COL4A1: variants seen among roughly 807,000 people sequenced by gnomAD.
COL4A1 encodes the protein collagen type IV alpha 1 chain, also known as collagen alpha-1(IV) chain.
In COL4A1, 40 loss-of-function variants were observed where a neutral mutation model predicts 216.6. That is an observed-to-expected ratio of 0.18 (90% CI 0.14 to 0.24). COL4A1 has a LOEUF of 0.24. Ranked by LOEUF, COL4A1 falls within the 10% of genes least tolerant of loss-of-function variation. The probability of loss-of-function intolerance (pLI) is 1.00; values close to 1 mark genes in which losing one functional copy is unlikely to be tolerated. For synonymous variants in COL4A1, 839 were observed against 810.7 expected, an observed-to-expected ratio of 1.03 and a Z score of -0.59; for missense variants, 1,628 against 2,196.8, an observed-to-expected ratio of 0.74 and a Z score of 5.18.
chr13:110,235,389 G>A (rs554842789), intron 2 of COL4A1, among the ~76,000 whole-genome samples: 2 of 152,260 alleles, frequency 1.3e-5, no homozygotes, highest in Non-Finnish European at 2.9e-5. Flanking sequence ...AGTGGCTCAC[G>A]CCTGTAATCC....
At chr13:110,265,088 C>T (rs897249922) in intron 1 of COL4A1, among the ~76,000 whole-genome samples, 1 of 152,212 alleles carries the variant, frequency 6.6e-6, no homozygotes. Context: ...CTGCTAGAGA[C>T]CTTCTCGCTG....
chr13:110,212,684 C>G, intron 4 of COL4A1, 66 bp from the exon 5 acceptor site: 1 of 1,575,842 alleles, frequency 6.3e-7, no homozygotes, highest in Non-Finnish European at 8.7e-7. Context: ...CCTCCTGCAT[C>G]TCCCCGGTTA....
At chr13:110,275,191 A>C (rs903155516) in intron 1 of COL4A1, among the ~76,000 whole-genome samples, 1 of 152,242 alleles carries the variant, frequency 6.6e-6, no homozygotes, top group African/African-American at 2.4e-5. Flanking sequence ...AAAATATACA[A>C]AGACATCTTA....
At position 110,209,869 on chromosome 13, in the gene COL4A1, T is replaced by C. The variant is rs759894252; in HGVS notation, c.615+111A>G. 4.5e-6 allele frequency: 6 copies of C among 1,337,636 alleles called. No homozygotes were observed. The Admixed American group carries it at 1.0e-4, about 22-fold the overall frequency. 82.9% of individuals were successfully genotyped at this position (1,337,636 alleles called of 1,614,324 possible). A position where few individuals can be genotyped will look rare whatever the true frequency, so the allele number is the denominator to read the frequency against. Reference sequence around the variant, plus strand: ...GAAGCTGATTCCGCCATGTCCAAATTAAGAGCGACCACAACTGTGTAAAGT... The same window carrying C: ...GAAGCTGATTCCGCCATGTCCAAATCAAGAGCGACCACAACTGTGTAAAGT... On this transcript the variant is annotated intron_variant, in intron 10 of 51. Transcript: ENST00000375820.
At chr13:110,250,144 TAGAGTTACAC>T (rs1476323838) in intron 1 of COL4A1, among the ~76,000 whole-genome samples, 1 of 149,338 alleles carries the variant, frequency 6.7e-6, no homozygotes, top group Non-Finnish European at 1.5e-5. Flanking sequence ...TACTACTGTT[TAGAGTTACAC>T]AATATTTCTG....
chr13:110,185,980 G>A (rs569368005), intron 26 of COL4A1, among the ~76,000 whole-genome samples: 24 of 152,294 alleles, frequency 1.6e-4, no homozygotes, highest in African/African-American at 5.3e-4. Context: ...ATTCACAGGC[G>A]TCTGCCGACT....
At chr13:110,242,544 A>G in intron 2 of COL4A1, 131 bp downstream of exon 2, 1 of 1,023,172 alleles carries the variant, frequency 9.8e-7, no homozygotes, top group Non-Finnish European at 1.5e-6. Context: ...CTTCATTTGT[A>G]TTGCTCTGGG....
At chr13:110,180,281 C>T (rs182033359) in intron 29 of COL4A1, among the ~76,000 whole-genome samples, 227 of 152,346 alleles carry the variant, frequency 1.5e-3, no homozygotes, top group Admixed American at 3.1e-3. Flanking sequence ...CGCAAGTTGC[C>T]GCGGTTGACT....
intron 2 of COL4A1, among the ~76,000 whole-genome samples, chr13:110,216,132 A>G (rs1275249243): frequency 6.6e-6 from 1 of 152,232 alleles, no homozygotes; most frequent in African/African-American, 2.4e-5. Flanking sequence ...GGCCAGAAGC[A>G]CAGACGTGAC....
chr13:110,287,744 G>A (rs1469766069), intron 1 of COL4A1, among the ~76,000 whole-genome samples: 2 of 152,194 alleles, frequency 1.3e-5, no homozygotes, highest in African/African-American at 4.8e-5. Flanking sequence ...TATACAAGGA[G>A]GAAGCACATG....
chr13:110,178,802 T>C (rs1878007081), intron 31 of COL4A1, 121 bp downstream of exon 31: 1 of 762,730 alleles, frequency 1.3e-6, no homozygotes, highest in South Asian at 1.6e-5. Context: ...AGTTTTATTT[T>C]TTTCTCTTTT....
rs1389597129 is a variant in COL4A1, at chr13:110,210,358, A to G, written c.469-146T>C. On this transcript the variant is annotated intron_variant, in intron 8 of 51. Coordinates refer to ENST00000375820, the MANE Select transcript of COL4A1 (RefSeq NM_001845.6). ...GACCCCGTCTACACTGGAAATCAAT[A>G]GCCTGGCCATCTCTCCCATCATGAT... The G allele has an allele frequency of 2.7e-5, 21 of 779,374 alleles. No individual in the cohort carries two copies. In the Admixed American group the frequency reaches 4.3e-4, roughly 16 times the overall value. 48.3% of individuals were successfully genotyped at this position (779,374 alleles called of 1,614,324 possible).
intron 11 of COL4A1, 82 bp from the exon 12 acceptor site, chr13:110,208,972 ATAAGATGG>A: frequency 1.5e-6 from 2 of 1,374,182 alleles, no homozygotes; most frequent in Non-Finnish European, 2.1e-6. Context: ...ACAAAATGCA[ATAAGATGG>A]TAGATTTCAG....
chr13:110,212,522 C>A (rs1302458716), intron 5 of COL4A1, 43 bp from the exon 6 acceptor site: 2 of 1,614,184 alleles, frequency 1.2e-6, no homozygotes, highest in Non-Finnish European at 1.7e-6. Context: ...CAGAAAATCG[C>A]CTGATGGAAG....
At position 110,177,830 on chromosome 13, in the gene COL4A1, C is replaced by G. The variant is rs752822862; in HGVS notation, c.2716+12G>C. On this transcript the variant is annotated intron_variant, in intron 33 of 51. Coordinates refer to ENST00000375820, the MANE Select transcript of COL4A1 (RefSeq NM_001845.6). ...ACACAAAATGAGCTTCTAGGGTTAT[C>G]AGCTCCCCTACCTTTTTCACCCGGT... 1.2e-6 allele frequency: 2 copies of G among 1,613,230 alleles called. No homozygotes were observed. The highest frequency in any genetic ancestry group is 2.7e-5 in the African/African-American group (2 of 75,020).
intron 1 of COL4A1, among the ~76,000 whole-genome samples, chr13:110,273,166 G>T (rs1883305498): frequency 6.6e-6 from 1 of 152,234 alleles, no homozygotes; most frequent in Non-Finnish European, 1.5e-5. Flanking sequence ...TATGGGCCTG[G>T]CAAATCACTC....
Position 110,150,036 on chromosome 13 carries a change from C to G in COL4A1, c.*327G>C, listed in dbSNP as rs1029876658. 2 of 394,062 alleles carry G rather than the reference C, an allele frequency of 5.1e-6. No homozygotes were observed. The highest frequency in any genetic ancestry group is 9.7e-6 in the Non-Finnish European group (2 of 206,736). 24.4% of individuals were successfully genotyped at this position (394,062 alleles called of 1,614,324 possible). A position where few individuals can be genotyped will look rare whatever the true frequency, so the allele number is the denominator to read the frequency against. On this transcript the variant is annotated 3_prime_UTR_variant, in exon 52 of 52. Coordinates refer to ENST00000375820, the MANE Select transcript of COL4A1 (RefSeq NM_001845.6). ...GAAAATGGGCAAACAGTATGGAAGGCACCCACACCTCCTAGCACCCTTTGG... is the reference window on the plus strand; with the variant it reads ...GAAAATGGGCAAACAGTATGGAAGGGACCCACACCTCCTAGCACCCTTTGG...
At chr13:110,174,882 T>A in intron 37 of COL4A1, 133 bp from the exon 38 acceptor site, 1 of 965,266 alleles carries the variant, frequency 1.0e-6, no homozygotes, top group Non-Finnish European at 1.7e-6. Context: ...AGATTTCTCA[T>A]CAAAGAATCA....
chr13:110,218,970 A>G (rs1225681749), intron 2 of COL4A1, among the ~76,000 whole-genome samples: 2 of 152,216 alleles, frequency 1.3e-5, no homozygotes, highest in Non-Finnish European at 1.5e-5. Context: ...CCGAAATTCC[A>G]CAAGGCCAAC....
Sources: allele counts gnomAD v4.1 joint callset (sites outside exome capture counted in the v4.1 genomes callset), GRCh38; gene constraint gnomAD v4.1.1; transcripts MANE v1.5; gene names NCBI Gene and HGNC (gene_info 2026-07-23, HGNC 2026-07-21).